TBC1D8: variants seen among roughly 807,000 people sequenced by gnomAD.
TBC1D8 encodes the protein TBC1 domain family member 8, also known as BUB2-like protein 1.
TBC1D8 carries 65 observed loss-of-function variants against 118.8 expected under a neutral mutation model. That is an observed-to-expected ratio of 0.55 (90% CI 0.45 to 0.67). The LOEUF is 0.67. TBC1D8 is among the 30% of genes least tolerant of loss of function. The pLI, the probability that TBC1D8 is intolerant of heterozygous loss-of-function variation, is 0.00. For missense variants in TBC1D8, 1,376 were observed against 1,471.2 expected (o/e 0.94, Z 1.06); for synonymous variants, 566 against 595.8 (o/e 0.95, Z 0.73).
chr2:101,117,218 A>G (rs1482884069), intron 1 of TBC1D8, among the ~76,000 whole-genome samples: 2 of 152,142 alleles, frequency 1.3e-5, no homozygotes, highest in East Asian at 3.9e-4. Flanking sequence ...ACTTCTGGAC[A>G]ACAGAACTGT....
At chr2:101,121,189 G>T (rs1678084640) in intron 1 of TBC1D8, among the ~76,000 whole-genome samples, 1 of 152,060 alleles carries the variant, frequency 6.6e-6, no homozygotes, top group Non-Finnish European at 1.5e-5. Context: ...AATTCCAAAG[G>T]ACTTTGTTGA....
chr2:101,104,364 T>C (rs1249055120), intron 1 of TBC1D8, among the ~76,000 whole-genome samples: 1 of 152,214 alleles, frequency 6.6e-6, no homozygotes, highest in African/African-American at 2.4e-5. Flanking sequence ...CAACTGATTC[T>C]AAAGTTGATA....
At chr2:101,145,429 T>G (rs954451614) in intron 1 of TBC1D8, among the ~76,000 whole-genome samples, 4 of 152,216 alleles carry the variant, frequency 2.6e-5, no homozygotes, top group African/African-American at 7.2e-5. Context: ...ATCTGGGACT[T>G]CTATAGAATG....
chr2:101,010,941 G>C lies in TBC1D8; in HGVS notation c.3003C>G (p.Pro1001=). Residue 1001 remains proline (P), a synonymous_variant, in exon 19 of 20, where the codon CCC becomes CCG. Coordinates refer to ENST00000409318, the MANE Select transcript of TBC1D8 (RefSeq NM_001330348.2). ...AGAAAGTCCATACCTGGCTCATTTT[G>C]GGCAATTCTTTCTCAGTTTTATCTT... ...KEKDKTEKEL[P]KMSQREFIQF... is the part of the protein sequence containing the mutation. The C allele has an allele frequency of 6.2e-7, 1 of 1,610,142 alleles. No homozygotes were observed. The highest frequency in any genetic ancestry group is 8.5e-7 in the Non-Finnish European group (1 of 1,179,168).
chr2:101,100,200 CA>C (rs532991674), intron 1 of TBC1D8, among the ~76,000 whole-genome samples: 16 of 152,138 alleles, frequency 1.1e-4, no homozygotes, highest in Non-Finnish European at 1.8e-4. Flanking sequence ...AAATGACAAG[CA>C]TTCCTATACA....
chr2:101,141,497 G>T (rs993274687), intron 1 of TBC1D8, among the ~76,000 whole-genome samples: 8 of 152,136 alleles, frequency 5.3e-5, no homozygotes, highest in Non-Finnish European at 7.3e-5. Context: ...TGGGTTGGGG[G>T]AGGGAAGAAG....
At chr2:101,143,453 T>A (rs1206547995) in intron 1 of TBC1D8, among the ~76,000 whole-genome samples, 1 of 152,164 alleles carries the variant, frequency 6.6e-6, no homozygotes, top group African/African-American at 2.4e-5. Flanking sequence ...AGAATATGGA[T>A]GACTCAAATT....
At chr2:101,083,524 T>C (rs1331674686) in intron 2 of TBC1D8, among the ~76,000 whole-genome samples, 7 of 152,212 alleles carry the variant, frequency 4.6e-5, no homozygotes, top group Non-Finnish European at 1.0e-4. Flanking sequence ...TTAAAAATAA[T>C]AGGAATTCAT....
At position 101,029,692 on chromosome 2, in the gene TBC1D8, G is replaced by A. The variant is rs771895526; in HGVS notation, c.2021C>T (p.Ala674Val). 2 of 1,614,028 alleles carry A rather than the reference G, an allele frequency of 1.2e-6. No homozygotes were observed. Among genetic ancestry groups the A allele is most frequent in the African/African-American group, 2.7e-5 (2 of 75,052 alleles). Reference protein sequence around the residue: ...ELAEHMNDLSALASVSLSWFL... With the variant: ...ELAEHMNDLSVLASVSLSWFL... The stretch of plus-strand genomic sequence containing the variant: ...CCACGAGAGAGAGACGGACGCCAGG[G>A]CTGAGAGGTCGTTCATGTGCTCTGC... Residue 674 changes from alanine to valine, a missense_variant, in exon 12 of 20, where the codon GCC becomes GTC. Coordinates refer to ENST00000409318, the MANE Select transcript of TBC1D8 (RefSeq NM_001330348.2).
chr2:101,042,195 G>T (rs996069535), intron 5 of TBC1D8, among the ~76,000 whole-genome samples: 3 of 152,024 alleles, frequency 2.0e-5, no homozygotes, highest in Admixed American at 1.3e-4. Flanking sequence ...AGGAAAGAAG[G>T]ATCCTAACCC....
At chr2:101,091,735 G>A (rs142726099) in intron 1 of TBC1D8, among the ~76,000 whole-genome samples, 1 of 152,026 alleles carries the variant, frequency 6.6e-6, no homozygotes, top group Non-Finnish European at 1.5e-5. Context: ...CAAAAAAAAA[G>A]GCATCCTGAT....
chr2:101,130,996 T>C (rs1242120244), intron 1 of TBC1D8, among the ~76,000 whole-genome samples: 3 of 152,226 alleles, frequency 2.0e-5, no homozygotes, highest in Non-Finnish European at 4.4e-5. Context: ...ACACATCAAA[T>C]AATACACAAC....
intron 17 of TBC1D8, among the ~76,000 whole-genome samples, 200 bp from the exon 18 acceptor site, chr2:101,011,740 G>A (rs1679231344): frequency 6.6e-6 from 1 of 152,190 alleles, no homozygotes; most frequent in Admixed American, 6.5e-5. Flanking sequence ...CCCACACCAA[G>A]TGTGCCTTTT....
intron 1 of TBC1D8, among the ~76,000 whole-genome samples, chr2:101,094,543 G>A (rs1190133743): frequency 6.6e-6 from 1 of 152,162 alleles, no homozygotes; most frequent in Non-Finnish European, 1.5e-5. Flanking sequence ...ATAAAAACCG[G>A]AGGGACTTTG....
chr2:101,015,411 A>T (rs1440178591), intron 17 of TBC1D8, among the ~76,000 whole-genome samples: 1 of 152,176 alleles, frequency 6.6e-6, no homozygotes, highest in Non-Finnish European at 1.5e-5. Context: ...AGTTCATTTT[A>T]AAAATATTCT....
At chr2:101,084,433 C>T (rs1675466734) in intron 2 of TBC1D8, among the ~76,000 whole-genome samples, 1 of 152,172 alleles carries the variant, frequency 6.6e-6, no homozygotes, top group African/African-American at 2.4e-5. Context: ...CACGTGTAAT[C>T]CCAGCTATTC....
chr2:101,062,305 GA>G lies in TBC1D8; in HGVS notation c.284-2767del, dbSNP rs372972020. ...AATAAAACCTGTCACTCAGAATAAA[GA>G]AAAAAAAAAAACAAGTGAAGAATAA... is the stretch of plus-strand genomic sequence containing the variant. On this transcript the variant is annotated intron_variant, in intron 2 of 19. Transcript: ENST00000409318. Among the ~76,000 whole-genome samples, 1,382 of 139,958 alleles carry G rather than the reference GA, an allele frequency of 9.9e-3. 17 individuals are homozygous for G. The highest frequency in any genetic ancestry group is 0.027 in the African/African-American group (1,037 of 38,320). 91.8% of individuals were successfully genotyped at this position (139,958 alleles called of 152,430 possible). A position where few individuals can be genotyped will look rare whatever the true frequency, so the allele number is the denominator to read the frequency against.
chr2:101,066,222 T>C (rs1683004522), intron 2 of TBC1D8, among the ~76,000 whole-genome samples: 1 of 151,914 alleles, frequency 6.6e-6, no homozygotes, highest in Admixed American at 6.6e-5. Context: ...AGATGGAGGT[T>C]GCAGTGAGCC....
chr2:101,070,780 T>C (rs1683269654), intron 2 of TBC1D8, among the ~76,000 whole-genome samples: 1 of 152,218 alleles, frequency 6.6e-6, no homozygotes, highest in African/African-American at 2.4e-5. Flanking sequence ...TACATTAATT[T>C]CAAGGACTTG....
Sources: gnomAD v4.1 joint callset for allele counts (sites outside exome capture counted in the v4.1 genomes callset) on GRCh38, gnomAD v4.1.1 for gene constraint, MANE v1.5 for transcripts, NCBI Gene and HGNC (gene_info 2026-07-23, HGNC 2026-07-21) for gene names.